SPATA16: variants seen among roughly 807,000 people sequenced by gnomAD.
SPATA16 encodes the protein spermatogenesis-associated protein 16.
In SPATA16, 36 loss-of-function variants were observed where a neutral mutation model predicts 63.3. The observed-to-expected ratio is 0.57, with a 90% CI of 0.44 to 0.75. The LOEUF is 0.75. Among genes scored for constraint, SPATA16 ranks in the 30% least tolerant of loss-of-function variants. The pLI, the probability that SPATA16 is intolerant of heterozygous loss-of-function variation, is 0.00. For missense variants in SPATA16, 646 were observed against 679.3 expected (o/e 0.95, Z 0.54); for synonymous variants, 203 against 216.7 (o/e 0.94, Z 0.56).
In SPATA16 at chr3:173,067,419, CAATAGAA is replaced by C. The variant is rs144648012; in HGVS notation, c.613-18332_613-18326del. 5.0e-3 allele frequency among the ~76,000 whole-genome samples: 753 copies of C among 152,052 alleles called. 3 individuals are homozygous for C. The highest frequency in any genetic ancestry group is 0.017 in the African/African-American group (720 of 41,458). On this transcript the variant is annotated intron_variant, in intron 2 of 10. Coordinates refer to ENST00000351008, the MANE Select transcript of SPATA16 (RefSeq NM_031955.6). ...GTACACATGGACACAATAAAGGGGA[CAATAGAA>C]ACTAGGGCCTACTTGAAGATGGAGA...
At chr3:172,954,531 G>A (rs1733526374) in intron 6 of SPATA16, among the ~76,000 whole-genome samples, 1 of 152,162 alleles carries the variant, frequency 6.6e-6, no homozygotes, top group Admixed American at 6.5e-5. Context: ...CTGTCTTTAT[G>A]TTACTTACTT....
At chr3:173,028,721 G>A (rs1735528095) in intron 3 of SPATA16, among the ~76,000 whole-genome samples, 1 of 151,976 alleles carries the variant, frequency 6.6e-6, no homozygotes, top group Non-Finnish European at 1.5e-5. Context: ...TACAAAAATT[G>A]CACATAAAAT....
At chr3:173,084,073 GTTCTAGGTC>G (rs1736990033) in intron 2 of SPATA16, among the ~76,000 whole-genome samples, 1 of 152,124 alleles carries the variant, frequency 6.6e-6, no homozygotes, top group South Asian at 2.1e-4. Context: ...GGTATTTCTG[GTTCTAGGTC>G]TTCAAGGAAT....
chr3:173,008,790 CAGA>C (rs1240187369), intron 4 of SPATA16, among the ~76,000 whole-genome samples: 15 of 152,084 alleles, frequency 9.9e-5, no homozygotes, highest in Admixed American at 2.6e-4. Context: ...TAACTACACA[CAGA>C]AGAAGAACAT....
At chr3:172,980,142 A>T (rs558510458) in intron 4 of SPATA16, among the ~76,000 whole-genome samples, 2 of 152,358 alleles carry the variant, frequency 1.3e-5, no homozygotes, top group South Asian at 4.1e-4. Context: ...AGTGCATGGA[A>T]ATAACATTAT....
At chr3:173,107,579 T>G (rs1438821489) in intron 2 of SPATA16, among the ~76,000 whole-genome samples, 1 of 152,144 alleles carries the variant, frequency 6.6e-6, no homozygotes, top group African/African-American at 2.4e-5. Flanking sequence ...AAAGAAGAGT[T>G]ACATAATTTA....
intron 4 of SPATA16, among the ~76,000 whole-genome samples, chr3:172,993,021 C>T (rs956975616): frequency 2.0e-5 from 3 of 152,054 alleles, no homozygotes; most frequent in East Asian, 1.9e-4. Context: ...GGAATCCCTA[C>T]GAGAGTATCC....
intron 6 of SPATA16, among the ~76,000 whole-genome samples, chr3:172,942,780 T>C (rs1275796683): frequency 1.3e-5 from 2 of 152,124 alleles, no homozygotes; most frequent in South Asian, 2.1e-4. Flanking sequence ...GTTGACCATA[T>C]ATTAGGGCGT....
At chr3:173,070,389 T>C (rs1156947384) in intron 2 of SPATA16, among the ~76,000 whole-genome samples, 4 of 134,738 alleles carry the variant, frequency 3.0e-5, no homozygotes, top group African/African-American at 9.1e-5. Context: ...AACAAGACTC[T>C]GTCTCAAAAA....
chr3:173,047,197 C>T (rs1452867499), intron 3 of SPATA16, among the ~76,000 whole-genome samples: 1 of 150,314 alleles, frequency 6.7e-6, no homozygotes, highest in Admixed American at 6.6e-5. Flanking sequence ...ATCTTTCGTT[C>T]TCATTACTTT....
intron 3 of SPATA16, among the ~76,000 whole-genome samples, chr3:173,021,662 A>G (rs911348479): frequency 2.0e-5 from 3 of 151,976 alleles, no homozygotes; most frequent in African/African-American, 7.2e-5. Flanking sequence ...TTGTCCAGGG[A>G]CTGGGTTTTC....
At chr3:173,111,338 A>G (rs1031704548) in intron 2 of SPATA16, among the ~76,000 whole-genome samples, 5 of 152,066 alleles carry the variant, frequency 3.3e-5, no homozygotes, top group Non-Finnish European at 5.9e-5. Context: ...TGAACCCAGG[A>G]GGCAGAGCTT....
At chr3:173,126,149 T>G (rs1257095431) in intron 1 of SPATA16, among the ~76,000 whole-genome samples, 1 of 152,200 alleles carries the variant, frequency 6.6e-6, no homozygotes, top group Non-Finnish European at 1.5e-5. Context: ...AGTAAATAAT[T>G]TATCTTATTC....
intron 2 of SPATA16, among the ~76,000 whole-genome samples, chr3:173,068,118 C>T (rs529084290): frequency 2.6e-5 from 4 of 152,216 alleles, no homozygotes; most frequent in South Asian, 2.1e-4. Context: ...TTAAATAAAA[C>T]GAAGTTAATG....
chr3:173,047,510 A>C (rs181286214), intron 3 of SPATA16, among the ~76,000 whole-genome samples: 2 of 152,056 alleles, frequency 1.3e-5, no homozygotes, highest in East Asian at 3.9e-4. Flanking sequence ...GAAGTCTATA[A>C]ATAGCTTTCA....
At chr3:173,030,666 G>T (rs938972968) in intron 3 of SPATA16, among the ~76,000 whole-genome samples, 7 of 152,006 alleles carry the variant, frequency 4.6e-5, no homozygotes, top group Non-Finnish European at 8.8e-5. Flanking sequence ...AACAAAGTAT[G>T]GAAGTTCCTC....
intron 1 of SPATA16, among the ~76,000 whole-genome samples, chr3:173,128,114 C>T (rs991693892): frequency 3.9e-5 from 6 of 152,094 alleles, no homozygotes; most frequent in Admixed American, 1.3e-4. Flanking sequence ...GCTAGAGAGG[C>T]GGCACATCCA....
chr3:173,077,098 G>A (rs961037703), intron 2 of SPATA16, among the ~76,000 whole-genome samples: 10 of 152,130 alleles, frequency 6.6e-5, no homozygotes, highest in Non-Finnish European at 1.2e-4. Flanking sequence ...AATAAAACTA[G>A]ATTTAGAGAG....
At chr3:173,027,112 C>T (rs1158881833) in intron 3 of SPATA16, among the ~76,000 whole-genome samples, 1 of 151,860 alleles carries the variant, frequency 6.6e-6, no homozygotes, top group Non-Finnish European at 1.5e-5. Context: ...TAGTTTTCAG[C>T]ATGAAAATCT....
Sources: gnomAD v4.1 joint callset for allele counts (sites outside exome capture counted in the v4.1 genomes callset) on GRCh38, gnomAD v4.1.1 for gene constraint, MANE v1.5 for transcripts, NCBI Gene and HGNC (gene_info 2026-07-23, HGNC 2026-07-21) for gene names.